ZNF486: variants seen among roughly 807,000 people sequenced by gnomAD.
ZNF486 encodes KRAB box only protein 2.
ZNF486 carries 12 observed loss-of-function variants against 12.8 expected under a neutral mutation model. The observed-to-expected ratio is 0.94, with a 90% CI of 0.60 to 1.52. The LOEUF is 1.52. Among genes scored for constraint, ZNF486 ranks in the 40% most tolerant of loss-of-function variants. The pLI is 0.00. For missense variants in ZNF486, 738 were observed against 545.0 expected (o/e 1.35, Z -3.53); for synonymous variants, 231 against 184.9 (o/e 1.25, Z -2.02).
rs782625601 is a variant in ZNF486 at position 20,191,390 on chromosome 19, C to A, written c.253+5308C>A. 3.3e-5 allele frequency among the ~76,000 whole-genome samples: 5 copies of A among 149,916 alleles called. No individual in the cohort carries two copies. The Admixed American group carries it at 3.3e-4, about 10-fold the overall frequency. On this transcript the variant is annotated intron_variant, in intron 3 of 3. Transcript: ENST00000335117. ...GCTGAGGCAGGAGAGTGGCGTGAAT[C>A]TGGGAGGCGGAGCTTGCAGTGAGCT...
intron 1 of ZNF486, among the ~76,000 whole-genome samples, chr19:20,181,190 CCTG>C (rs2089780441): frequency 6.6e-6 from 1 of 152,140 alleles, no homozygotes; most frequent in African/African-American, 2.4e-5. Flanking sequence ...GCTGGTGAAT[CCTG>C]CTGCCTTTCT....
rs781904305 is a variant in ZNF486 at position 20,196,950 on chromosome 19, A to G, written c.254-14A>G. On this transcript the variant is annotated splice_polypyrimidine_tract_variant and intron_variant, in intron 3 of 3. Transcript: ENST00000335117. ...CTAGCAATTGAAGTAATGTGTTTTT[A>G]TTGTTTCTTTCAGTTGTGTGTTCTC... is the stretch of plus-strand genomic sequence containing the variant. 7 of 1,525,558 alleles carry G rather than the reference A, an allele frequency of 4.6e-6. 1 individual carries two copies. In the South Asian group the frequency reaches 6.7e-5, roughly 15 times the overall value. The allele number at this position is 1,525,558 out of a possible 1,614,324, so 94.5% of individuals were successfully genotyped here.
At chr19:20,186,907 T>G (rs373679024) in intron 3 of ZNF486, among the ~76,000 whole-genome samples, 18 of 150,914 alleles carry the variant, frequency 1.2e-4, no homozygotes, top group East Asian at 8.0e-4. Context: ...CTCAGCCTCC[T>G]GTGTAGCTGA....
intron 1 of ZNF486, among the ~76,000 whole-genome samples, chr19:20,173,340 G>C (rs1281953297): frequency 2.0e-5 from 3 of 152,130 alleles, no homozygotes; most frequent in Non-Finnish European, 4.4e-5. Flanking sequence ...CATTTCTCTT[G>C]TCAGCTTTGT....
In ZNF486 at chr19:20,186,055, A is replaced by G; in HGVS notation, c.226A>G (p.Arg76Gly). The G allele has an allele frequency of 6.3e-7, 1 of 1,593,992 alleles. No individual in the cohort carries two copies. The highest frequency in any genetic ancestry group is 8.5e-7 in the Non-Finnish European group (1 of 1,172,022). Residue 76 changes from arginine (R) to glycine (G), a missense_variant, in exon 3 of 4, where the codon AGA becomes GGA. Arg to Gly is a moderately radical substitution (Grantham distance 125). Transcript: ENST00000335117. Reference protein sequence around the residue: ...EQGIKPLTMKRHEMIAKPPVV... With the variant: ...EQGIKPLTMKGHEMIAKPPVV... The stretch of plus-strand genomic sequence containing the variant: ...AGGAATAAAACCTCTGACTATGAAG[A>G]GACATGAGATGATTGCCAAACCCCC...
chr19:20,185,893 G>A, intron 2 of ZNF486, 94 bp from the exon 3 acceptor site: 1 of 657,810 alleles, frequency 1.5e-6, no homozygotes, highest in Non-Finnish European at 2.3e-6. Flanking sequence ...TAATTTACTA[G>A]AATATTTTAT....
intron 1 of ZNF486, among the ~76,000 whole-genome samples, chr19:20,182,649 C>T (rs1555715757): frequency 6.6e-6 from 1 of 152,054 alleles, no homozygotes. Flanking sequence ...TTGCTGGTGT[C>T]TGTGGCAGGG....
In ZNF486 at chr19:20,200,303, G is replaced by A. The variant is rs1568330411; in HGVS notation, c.*2201G>A. On this transcript the variant is annotated 3_prime_UTR_variant, in exon 4 of 4. Coordinates refer to ENST00000335117, the MANE Select transcript of ZNF486 (RefSeq NM_052852.4). ...AAGGACATTAAAATGTAAGATGCAT[G>A]ATGAAAATATAAGTGGAGAGGCTCT... is the stretch of plus-strand genomic sequence containing the variant. The A allele has an allele frequency of 6.6e-6, 1 of 152,070 alleles. No homozygotes were observed. Among genetic ancestry groups the A allele is most frequent in the Non-Finnish European group, 1.5e-5 (1 of 68,032 alleles). The allele number at this position is 152,070 out of a possible 1,614,324, so 9.4% of individuals were successfully genotyped here.
chr19:20,170,067 AT>A lies in ZNF486; in HGVS notation c.30+2712del, dbSNP rs201393020. On this transcript the variant is annotated intron_variant, in intron 1 of 3. Coordinates refer to ENST00000335117, the MANE Select transcript of ZNF486 (RefSeq NM_052852.4). Reference sequence around the variant, plus strand: ...CACCACGCCCGGCTAATTTTTTTGTATTTTTAGTAGAGACGGGTTTCACCGT... The same window carrying A: ...CACCACGCCCGGCTAATTTTTTTGTATTTTAGTAGAGACGGGTTTCACCGT... 9.6e-3 allele frequency among the ~76,000 whole-genome samples: 1,447 copies of A among 150,722 alleles called. 24 individuals are homozygous for A. Among genetic ancestry groups the A allele is most frequent in the African/African-American group, 0.034 (1,388 of 41,060 alleles).
intron 1 of ZNF486, among the ~76,000 whole-genome samples, chr19:20,180,950 G>A (rs1370699580): frequency 6.6e-6 from 1 of 152,174 alleles, no homozygotes; most frequent in Non-Finnish European, 1.5e-5. Flanking sequence ...TGACAGGGCA[G>A]TGGCTAGAAA....
chr19:20,171,185 A>C (rs189323095), intron 1 of ZNF486, among the ~76,000 whole-genome samples: 6 of 152,324 alleles, frequency 3.9e-5, no homozygotes, highest in Admixed American at 1.3e-4. Context: ...CCTGGCCTGG[A>C]ACAAAACTCT....
At chr19:20,167,430 T>C in intron 1 of ZNF486, 70 bp downstream of exon 1, 1 of 1,546,704 alleles carries the variant, frequency 6.5e-7, no homozygotes, top group East Asian at 2.2e-5. Flanking sequence ...GTGGAGGGAC[T>C]CAGGCCTCCC....
At position 20,198,007 on chromosome 19, in the gene ZNF486, C is replaced by G. The variant is rs2089978737; in HGVS notation, c.1297C>G (p.Pro433Ala). The G allele has an allele frequency of 6.2e-7, 1 of 1,613,542 alleles. No individual in the cohort carries two copies. The highest frequency in any genetic ancestry group is 8.5e-7 in the Non-Finnish European group (1 of 1,179,690). Residue 433 changes from proline to alanine, a missense_variant, in exon 4 of 4, where the codon CCT (proline) becomes GCT (alanine). Physicochemically the swap from Pro to Ala is conservative, Grantham distance 27 (BLOSUM62 -1). Transcript: ENST00000335117. Reference protein sequence around the residue: ...EHKTTHTGEKPYKCKECGKAF... With the variant: ...EHKTTHTGEKAYKCKECGKAF... ...TAAGACAACTCATACTGGAGAGAAA[C>G]CTTACAAATGTAAAGAATGTGGCAA...
chr19:20,172,071 C>T (rs1555713964), intron 1 of ZNF486, among the ~76,000 whole-genome samples: 1 of 151,942 alleles, frequency 6.6e-6, no homozygotes, highest in Admixed American at 6.6e-5. Flanking sequence ...ATGGTGCAAC[C>T]TCGGCTCACC....
In ZNF486 at chr19:20,169,272, G is replaced by T. The variant is rs138426624; in HGVS notation, c.30+1912G>T. 2.4e-3 allele frequency among the ~76,000 whole-genome samples: 361 copies of T among 152,286 alleles called. 4 individuals carry two copies. The highest frequency in any genetic ancestry group is 8.2e-3 in the African/African-American group (341 of 41,554). On this transcript the variant is annotated intron_variant, in intron 1 of 3. Coordinates refer to ENST00000335117, the MANE Select transcript of ZNF486 (RefSeq NM_052852.4). ...TGGGATTGCAGGCACGCGCCGTCACGCCCGGCTAATTATGTGTGTTTACTA... is the reference window on the plus strand; with the variant it reads ...TGGGATTGCAGGCACGCGCCGTCACTCCCGGCTAATTATGTGTGTTTACTA...
chr19:20,186,784 G>GTTTTTTTTTTTTTTTTTTTT (rs57907168), intron 3 of ZNF486, among the ~76,000 whole-genome samples: 2 of 122,482 alleles, frequency 1.6e-5, no homozygotes, highest in African/African-American at 3.3e-5. Context: ...ATTTTCATAG[G>GTTTTTTTTTTTTTTTTTTTT]TTTTTTTTTT....
At chr19:20,188,622 G>C in intron 3 of ZNF486, 1 of 395,900 alleles carries the variant, frequency 2.5e-6, no homozygotes, top group Non-Finnish European at 4.5e-6. Context: ...ACTCCAGCTT[G>C]AATGACAGAG....
At chr19:20,187,554 T>G (rs1380674663) in intron 3 of ZNF486, among the ~76,000 whole-genome samples, 2 of 147,950 alleles carry the variant, frequency 1.4e-5, no homozygotes, top group East Asian at 3.9e-4. Context: ...CAGGCTGCAG[T>G]GCAGTGGTGC....
intron 3 of ZNF486, among the ~76,000 whole-genome samples, chr19:20,191,987 G>T (rs2089907629): frequency 1.3e-5 from 2 of 151,824 alleles, no homozygotes; most frequent in South Asian, 2.1e-4. Context: ...ATATTTTGGA[G>T]CCCTGATGTT....
Sources: allele counts gnomAD v4.1 joint callset (sites outside exome capture counted in the v4.1 genomes callset), GRCh38; gene constraint gnomAD v4.1.1; transcripts MANE v1.5; gene names NCBI Gene and HGNC (gene_info 2026-07-23, HGNC 2026-07-21).